EBF1: variants seen among roughly 807,000 people sequenced by gnomAD.
The protein encoded by EBF1 is transcription factor COE1.
A neutral mutation model predicts 68.4 loss-of-function variants in EBF1; 10 were observed. The ratio of observed to expected loss-of-function variants is 0.15; its 90% confidence interval spans 0.09 to 0.25. EBF1 has a LOEUF of 0.25. Ranked by LOEUF, EBF1 falls within the 10% of genes least tolerant of loss-of-function variation. The pLI is 1.00. For synonymous variants in EBF1, 298 were observed against 299.8 expected (o/e 0.99, Z 0.06); for missense variants, 509 against 794.4 (o/e 0.64, Z 4.32).
intron 6 of EBF1, among the ~76,000 whole-genome samples, chr5:158,881,467 C>T (rs1271704708): frequency 2.0e-5 from 3 of 152,186 alleles, no homozygotes; most frequent in East Asian, 1.9e-4. Flanking sequence ...CAAGAGGGGG[C>T]CATACCTCCT....
chr5:159,008,628 C>T (rs1016194234), intron 6 of EBF1, among the ~76,000 whole-genome samples: 16 of 145,772 alleles, frequency 1.1e-4, no homozygotes, highest in Admixed American at 6.1e-4. Flanking sequence ...TGGGCTTCAA[C>T]GATTCTCCCG....
At chr5:158,802,490 A>T (rs1028566046) in intron 8 of EBF1, among the ~76,000 whole-genome samples, 3 of 152,164 alleles carry the variant, frequency 2.0e-5, no homozygotes, top group African/African-American at 7.2e-5. Flanking sequence ...CTTTTCCAGA[A>T]TTCTATTAAC....
chr5:158,815,055 A>C (rs896268124), intron 8 of EBF1, among the ~76,000 whole-genome samples: 3 of 152,202 alleles, frequency 2.0e-5, no homozygotes, highest in African/African-American at 7.2e-5. Flanking sequence ...ATAGGATAGG[A>C]GATGGAAGGA....
At chr5:159,079,123 A>G (rs1779301622) in intron 5 of EBF1, among the ~76,000 whole-genome samples, 1 of 152,200 alleles carries the variant, frequency 6.6e-6, no homozygotes, top group Non-Finnish European at 1.5e-5. Flanking sequence ...TAAAGAATCC[A>G]TTACATAATA....
chr5:158,743,959 C>T (rs1766988091), intron 10 of EBF1, among the ~76,000 whole-genome samples: 1 of 151,852 alleles, frequency 6.6e-6, no homozygotes, highest in Non-Finnish European at 1.5e-5. Flanking sequence ...TCACTTGAGG[C>T]CAGGAGTTCA....
chr5:158,774,345 C>T (rs1774598474), intron 10 of EBF1, among the ~76,000 whole-genome samples: 1 of 151,940 alleles, frequency 6.6e-6, no homozygotes, highest in Non-Finnish European at 1.5e-5. Context: ...GCTGTTCCTG[C>T]CTTTTTTCTT....
intron 4 of EBF1, among the ~76,000 whole-genome samples, chr5:159,088,697 A>G (rs1781134172): frequency 6.6e-6 from 1 of 152,178 alleles, no homozygotes. Context: ...GCTCACTATG[A>G]GGAAGGTTGT....
chr5:158,756,818 G>T (rs1011127297), intron 10 of EBF1, among the ~76,000 whole-genome samples: 2 of 151,738 alleles, frequency 1.3e-5, no homozygotes, highest in African/African-American at 2.4e-5. Context: ...CATGTGCCAC[G>T]GTTTGTGTGT....
chr5:158,777,093 A>C (rs966125177), intron 10 of EBF1, among the ~76,000 whole-genome samples: 3 of 152,164 alleles, frequency 2.0e-5, no homozygotes, highest in African/African-American at 7.2e-5. Flanking sequence ...TAAAGCCAAC[A>C]AACCCTAACA....
chr5:158,726,771 T>C (rs149393963), intron 11 of EBF1, among the ~76,000 whole-genome samples: 228 of 152,088 alleles, frequency 1.5e-3, no homozygotes, highest in African/African-American at 5.1e-3. Context: ...GCAGGAGAAG[T>C]GGGAACTCAA....
chr5:159,071,488 C>T (rs1404663311), intron 6 of EBF1, among the ~76,000 whole-genome samples: 1 of 152,108 alleles, frequency 6.6e-6, no homozygotes, highest in African/African-American at 2.4e-5. Context: ...TTTTAAGTAC[C>T]CTTCTGGGAC....
At chr5:158,986,809 C>T (rs1759185137) in intron 6 of EBF1, 1 of 152,190 alleles carries the variant, frequency 6.6e-6, no homozygotes, top group Non-Finnish European at 1.5e-5. Context: ...AATTTAATCA[C>T]TCATTCAACC....
intron 6 of EBF1, among the ~76,000 whole-genome samples, chr5:158,896,772 T>C (rs1802260939): frequency 6.6e-6 from 1 of 152,176 alleles, no homozygotes; most frequent in African/African-American, 2.4e-5. Context: ...CTCCAATAGC[T>C]CTTTAAAACC....
chr5:158,704,552 T>C (rs555354746), intron 15 of EBF1, among the ~76,000 whole-genome samples: 5 of 152,120 alleles, frequency 3.3e-5, no homozygotes, highest in African/African-American at 1.2e-4. Context: ...TACTGTAACA[T>C]TGAAAAGGAA....
chr5:158,888,134 G>A (rs556404130), intron 6 of EBF1, among the ~76,000 whole-genome samples: 268 of 152,194 alleles, frequency 1.8e-3, no homozygotes, highest in Non-Finnish European at 3.0e-3. Flanking sequence ...ATTTGATTAG[G>A]AAAGAGACGC....
chr5:159,015,509 C>A (rs1197078265), intron 6 of EBF1, among the ~76,000 whole-genome samples: 1 of 152,128 alleles, frequency 6.6e-6, no homozygotes, highest in African/African-American at 2.4e-5. Flanking sequence ...CCTGGAGGAC[C>A]TGAACCTCAG....
At chr5:158,843,456 A>C (rs1238887800) in intron 6 of EBF1, among the ~76,000 whole-genome samples, 1 of 152,206 alleles carries the variant, frequency 6.6e-6, no homozygotes, top group African/African-American at 2.4e-5. Context: ...TTAGCACAAA[A>C]GCTATGCCGG....
chr5:158,782,506 T>A lies in EBF1; in HGVS notation c.910-4967A>T, dbSNP rs192869154. Among the ~76,000 whole-genome samples, 871 of 151,180 alleles carry A rather than the reference T, an allele frequency of 5.8e-3. 14 individuals carry two copies. The highest frequency in any genetic ancestry group is 0.02 in the African/African-American group (815 of 41,172). ...AGACCCTGTCTCTACAAAAAAAAAA[T>A]TTTAATTAGCCAGGCATGGCAGCAT... On this transcript the variant is annotated intron_variant, in intron 9 of 15. Transcript: ENST00000313708.
intron 6 of EBF1, among the ~76,000 whole-genome samples, chr5:159,056,876 C>A (rs1253011957): frequency 6.6e-6 from 1 of 152,018 alleles, no homozygotes; most frequent in Non-Finnish European, 1.5e-5. Context: ...ATAGAAAGAC[C>A]TTTTGTAAAA....
Sources: gnomAD v4.1 joint callset for allele counts (sites outside exome capture counted in the v4.1 genomes callset) on GRCh38, gnomAD v4.1.1 for gene constraint, MANE v1.5 for transcripts, NCBI Gene and HGNC (gene_info 2026-07-23, HGNC 2026-07-21) for gene names.